Variants in NPHP1 observed in about 807,000 individuals in gnomAD.
NPHP1 encodes the protein nephrocystin-1.
NPHP1 carries 70 observed loss-of-function variants against 90.4 expected under a neutral mutation model. That is an observed-to-expected ratio of 0.77 (90% CI 0.64 to 0.95). NPHP1 has a LOEUF of 0.95. Among genes scored for constraint, NPHP1 ranks in the 40% least tolerant of loss-of-function variants. The probability of loss-of-function intolerance (pLI) is 0.00; values close to 1 mark genes in which losing one functional copy is unlikely to be tolerated. For synonymous variants in NPHP1, 256 were observed against 271.7 expected, an observed-to-expected ratio of 0.94 and a Z score of 0.57; for missense variants, 764 against 795.9, an observed-to-expected ratio of 0.96 and a Z score of 0.48.
chr2:110,133,960 C>A (rs76950110), intron 16 of NPHP1, among the ~76,000 whole-genome samples: 1,729 of 151,824 alleles, frequency 0.011, 29 homozygotes, highest in African/African-American at 0.04. Flanking sequence ...TAACTTTATG[C>A]CCTAAGGAAC....
At chr2:110,201,683 T>G (rs574515060) in intron 1 of NPHP1, among the ~76,000 whole-genome samples, 189 bp from the exon 2 acceptor site, 2 of 152,292 alleles carry the variant, frequency 1.3e-5, no homozygotes, top group South Asian at 4.1e-4. Context: ...ACTTATTTGA[T>G]CTATCCGTCA....
intron 2 of NPHP1, among the ~76,000 whole-genome samples, chr2:110,199,652 CA>C (rs752022046): frequency 3.3e-5 from 5 of 151,720 alleles, no homozygotes; most frequent in African/African-American, 7.3e-5. Context: ...CCCATACAAA[CA>C]AAGAAACAGA....
chr2:110,154,672 C>T (rs1483897099), intron 11 of NPHP1, among the ~76,000 whole-genome samples: 1 of 152,074 alleles, frequency 6.6e-6, no homozygotes, highest in Non-Finnish European at 1.5e-5. Flanking sequence ...AGACTGGTGG[C>T]ATTTTGCCCC....
intron 16 of NPHP1, among the ~76,000 whole-genome samples, chr2:110,134,103 A>C (rs1679988973): frequency 1.3e-5 from 2 of 152,092 alleles, no homozygotes; most frequent in Non-Finnish European, 2.9e-5. Context: ...AACAAAATTG[A>C]CAAACCTTTA....
intron 2 of NPHP1, among the ~76,000 whole-genome samples, chr2:110,180,079 A>AC (rs1286502475): frequency 6.6e-6 from 1 of 152,170 alleles, no homozygotes; most frequent in Non-Finnish European, 1.5e-5. Context: ...TACAAACATT[A>AC]CCTCATTTAA....
At chr2:110,164,506 A>T (rs371364800) in intron 8 of NPHP1, 182 bp downstream of exon 8, 1 of 1,280,162 alleles carries the variant, frequency 7.8e-7, no homozygotes, top group African/African-American at 1.5e-5. Flanking sequence ...AAAAAAACTA[A>T]TGAGAAATGT....
intron 2 of NPHP1, among the ~76,000 whole-genome samples, chr2:110,199,629 C>G (rs1041875924): frequency 6.6e-6 from 1 of 151,212 alleles, no homozygotes; most frequent in African/African-American, 2.4e-5. Context: ...CACATCCCCC[C>G]AAAAAAACAT....
chr2:110,192,483 G>C (rs1684826068), intron 2 of NPHP1, among the ~76,000 whole-genome samples: 1 of 152,128 alleles, frequency 6.6e-6, no homozygotes, highest in African/African-American at 2.4e-5. Flanking sequence ...AACAAACAAA[G>C]CCTCCAAGAA....
chr2:110,163,013 C>CT, intron 9 of NPHP1, 35 bp downstream of exon 9: 1 of 1,445,670 alleles, frequency 6.9e-7, no homozygotes, highest in Non-Finnish European at 9.7e-7. Flanking sequence ...GACTGCTTTG[C>CT]TGAAAGAGTG....
chr2:110,189,962 T>G (rs1186469499), intron 2 of NPHP1, among the ~76,000 whole-genome samples: 1 of 151,416 alleles, frequency 6.6e-6, no homozygotes, highest in East Asian at 1.9e-4. Flanking sequence ...GAGCTAGACA[T>G]AAAGGTTCTC....
intron 16 of NPHP1, among the ~76,000 whole-genome samples, chr2:110,138,181 G>A (rs934863831): frequency 2.0e-5 from 3 of 151,962 alleles, no homozygotes; most frequent in African/African-American, 4.8e-5. Flanking sequence ...TTGTGGGGTG[G>A]GGTGGGGGAG....
At chr2:110,189,604 C>T (rs1297336389) in intron 2 of NPHP1, among the ~76,000 whole-genome samples, 4 of 152,094 alleles carry the variant, frequency 2.6e-5, no homozygotes, top group Admixed American at 6.5e-5. Context: ...GGGACCCAAG[C>T]GGGTTGCCAT....
intron 4 of NPHP1, among the ~76,000 whole-genome samples, chr2:110,173,061 C>T (rs984142337): frequency 6.4e-4 from 96 of 150,110 alleles, no homozygotes; most frequent in African/African-American, 2.3e-3. Flanking sequence ...CGGGTTCAAG[C>T]GATTCTCCTG....
intron 7 of NPHP1, 109 bp from the exon 8 acceptor site, chr2:110,164,839 A>C: frequency 9.2e-7 from 1 of 1,090,260 alleles, no homozygotes; most frequent in East Asian, 2.4e-5. Flanking sequence ...TGAAAATCTA[A>C]CAGTTTCCAG....
chr2:110,164,020 T>TA (rs1559075303), intron 8 of NPHP1: 2 of 157,752 alleles, frequency 1.3e-5, no homozygotes, highest in Admixed American at 6.2e-5. Flanking sequence ...ATTTCTCCTT[T>TA]AAAAAAATGT....
intron 2 of NPHP1, chr2:110,184,243 A>T: frequency 1.7e-6 from 1 of 580,076 alleles, no homozygotes; most frequent in South Asian, 1.4e-5. Flanking sequence ...TTCAAAGCCA[A>T]GGAGCACCAA....
chr2:110,152,694 C>A (rs1681576605), intron 11 of NPHP1, among the ~76,000 whole-genome samples: 1 of 150,780 alleles, frequency 6.6e-6, no homozygotes, highest in Non-Finnish European at 1.5e-5. Flanking sequence ...ACACCAGAAG[C>A]AGAACCATGT....
rs572241527 is a variant in NPHP1, at chr2:110,142,347, C to CT, written c.1529+1194dup. Among the ~76,000 whole-genome samples the CT allele has an allele frequency of 1.9e-3, 277 of 144,400 alleles. 1 individual carries two copies. The highest frequency in any genetic ancestry group is 4.7e-3 in the African/African-American group (185 of 39,506). 94.7% of individuals were successfully genotyped at this position (144,400 alleles called of 152,430 possible). On this transcript the variant is annotated intron_variant, in intron 16 of 19. Coordinates refer to ENST00000445609, the MANE Select transcript of NPHP1 (RefSeq NM_001128178.3). ...TGAAAATGCATTTAATACACTTAGA[C>CT]TTTTTTTTTTTTTAATCAGGGTCTC...
chr2:110,133,009 A>T (rs189144852), intron 16 of NPHP1, among the ~76,000 whole-genome samples: 1 of 152,292 alleles, frequency 6.6e-6, no homozygotes, highest in East Asian at 1.9e-4. Flanking sequence ...AAAAGCTATA[A>T]GATAAGCAGC....
Sources: gnomAD v4.1 joint callset for allele counts (sites outside exome capture counted in the v4.1 genomes callset) on GRCh38, gnomAD v4.1.1 for gene constraint, MANE v1.5 for transcripts, NCBI Gene and HGNC (gene_info 2026-07-23, HGNC 2026-07-21) for gene names.